The following TMEM165 variants were observed in gnomAD, a reference collection of about 807,000 sequenced individuals.
TMEM165 encodes the protein transmembrane protein 165.
In TMEM165, 19 loss-of-function variants were observed where a neutral mutation model predicts 30.0. That is an observed-to-expected ratio of 0.63 (90% confidence interval 0.44 to 0.93). The LOEUF (loss-of-function observed/expected upper bound fraction) is 0.93. Ranked by LOEUF, TMEM165 falls within the 40% of genes least tolerant of loss-of-function variation. TMEM165 has a pLI of 0.00. For missense variants in TMEM165, 340 were observed against 417.0 expected (o/e 0.82, Z 1.61); for synonymous variants, 168 against 162.9 (o/e 1.03, Z -0.24).
chr4:55,446,753 T>C (rs1383967551), intron 3 of TMEM165, among the ~76,000 whole-genome samples: 1 of 152,248 alleles, frequency 6.6e-6, no homozygotes, highest in African/African-American at 2.4e-5. Context: ...ATTATTCCCA[T>C]GAATTTTCAG....
intron 3 of TMEM165, chr4:55,450,260 T>C: frequency 6.2e-7 from 1 of 1,613,520 alleles, no homozygotes; most frequent in Non-Finnish European, 8.5e-7. Flanking sequence ...AATAAATGTT[T>C]TCTTGTGGTT....
chr4:55,433,475 T>G (rs989887863), intron 3 of TMEM165: 1 of 152,344 alleles, frequency 6.6e-6, no homozygotes, highest in Non-Finnish European at 1.5e-5. Context: ...AGAGAAGTCT[T>G]AAGAACTGGC....
At chr4:55,408,221 A>G (rs764528661) in intron 1 of TMEM165, among the ~76,000 whole-genome samples, 4 of 152,216 alleles carry the variant, frequency 2.6e-5, no homozygotes, top group Non-Finnish European at 4.4e-5. Context: ...TTGGCCACCC[A>G]GGACCAGCTT....
At chr4:55,444,929 C>T (rs1723680225) in intron 3 of TMEM165, 10 of 868,806 alleles carry the variant, frequency 1.2e-5, no homozygotes, top group Non-Finnish European at 1.8e-5. Flanking sequence ...TTCTAATCCA[C>T]CCATCTTTGC....
intron 1 of TMEM165, among the ~76,000 whole-genome samples, chr4:55,400,754 A>G (rs1720967405): frequency 6.7e-6 from 1 of 150,326 alleles, no homozygotes; most frequent in Non-Finnish European, 1.5e-5. Flanking sequence ...ATTTTTATGT[A>G]ACTTTTTGAT....
chr4:55,425,293 G>T, intron 5 of TMEM165, 83 bp from the exon 6 acceptor site: 1 of 1,099,556 alleles, frequency 9.1e-7, no homozygotes, highest in South Asian at 1.4e-5. Flanking sequence ...ATAATTGGCC[G>T]CCTCATCGGC....
downstream of TMEM165, among the ~76,000 whole-genome samples, chr4:55,426,710 A>G (rs145335744): frequency 8.5e-5 from 13 of 152,316 alleles, no homozygotes; most frequent in East Asian, 2.3e-3. Context: ...AAAGGTCCAC[A>G]ATGTAGTCTG....
At chr4:55,414,216 G>A (rs1318165533) in intron 2 of TMEM165, among the ~76,000 whole-genome samples, 1 of 151,420 alleles carries the variant, frequency 6.6e-6, no homozygotes, top group Non-Finnish European at 1.5e-5. Context: ...CTTGTAGTGA[G>A]CCGAGATTGT....
Position 55,400,288 on chromosome 4 carries a change from TTA to T in TMEM165, c.207+3899_207+3900del, listed in dbSNP as rs1270548730. On this transcript the variant is annotated intron_variant, in intron 1 of 5. Transcript: ENST00000381334. Reference sequence around the variant, plus strand: ...ATAATATATAATATAATATTATATATTATATATAATATTATATATAATATTAA... The same window carrying T: ...ATAATATATAATATAATATTATATATTATATAATATTATATATAATATTAA... 9.4e-3 allele frequency among the ~76,000 whole-genome samples: 922 copies of T among 98,344 alleles called. 8 individuals carry two copies. The highest frequency in any genetic ancestry group is 0.014 in the Non-Finnish European group (782 of 55,648). 64.5% of individuals were successfully genotyped at this position (98,344 alleles called of 152,430 possible).
intron 3 of TMEM165, among the ~76,000 whole-genome samples, chr4:55,446,497 C>G (rs1723864033): frequency 6.6e-6 from 1 of 152,206 alleles, no homozygotes; most frequent in Non-Finnish European, 1.5e-5. Flanking sequence ...TTGCAAAAAT[C>G]TGACAGATAA....
At chr4:55,410,767 T>C (rs1023641736) in intron 1 of TMEM165, among the ~76,000 whole-genome samples, 36 of 152,200 alleles carry the variant, frequency 2.4e-4, no homozygotes, top group Non-Finnish European at 5.9e-5. Flanking sequence ...GGGTCTTTCA[T>C]GCAAGTTACT....
intron 2 of TMEM165, among the ~76,000 whole-genome samples, chr4:55,414,325 T>C (rs1014484010): frequency 1.8e-4 from 28 of 152,236 alleles, no homozygotes; most frequent in African/African-American, 6.5e-4. Context: ...TTATCAGTTT[T>C]ATGTAATTTA....
At chr4:55,449,586 T>C (rs1346120133) in intron 3 of TMEM165, 6 of 1,153,310 alleles carry the variant, frequency 5.2e-6, no homozygotes, top group South Asian at 1.3e-5. Context: ...TTAATAAAAA[T>C]GGCTTTTGAA....
At chr4:55,435,436 A>C in intron 3 of TMEM165, 1 of 1,613,946 alleles carries the variant, frequency 6.2e-7, no homozygotes. Flanking sequence ...GAACCTTGGA[A>C]GGGTCGGGCA....
intron 1 of TMEM165, among the ~76,000 whole-genome samples, chr4:55,404,249 C>T (rs1721178210): frequency 6.6e-6 from 1 of 151,642 alleles, no homozygotes; most frequent in African/African-American, 2.4e-5. Context: ...AATTCCTGAC[C>T]TCAGATCTGT....
intron 1 of TMEM165, among the ~76,000 whole-genome samples, chr4:55,402,539 C>T (rs1156374781): frequency 4.5e-5 from 6 of 132,774 alleles, no homozygotes; most frequent in Middle Eastern, 8.2e-3. Context: ...CCTCTGTCTC[C>T]GGGGTTCATG....
intron 1 of TMEM165, among the ~76,000 whole-genome samples, chr4:55,409,830 G>C (rs542627229): frequency 6.6e-6 from 1 of 152,314 alleles, no homozygotes; most frequent in African/African-American, 2.4e-5. Flanking sequence ...CGTCTTTGGA[G>C]ACAGAAATCT....
intron 4 of TMEM165, among the ~76,000 whole-genome samples, chr4:55,422,871 C>T (rs1482905210): frequency 1.1e-4 from 16 of 151,696 alleles, no homozygotes; most frequent in Admixed American, 7.9e-4. Context: ...CTCCTGACCT[C>T]GTGATCCACC....
chr4:55,417,761 T>A, intron 3 of TMEM165, 42 bp from the exon 4 acceptor site: 1 of 1,465,472 alleles, frequency 6.8e-7, no homozygotes, highest in Non-Finnish European at 9.2e-7. Context: ...TATTTTGATT[T>A]GCTTCCTGTG....
Sources: allele counts gnomAD v4.1 joint callset (sites outside exome capture counted in the v4.1 genomes callset), GRCh38; gene constraint gnomAD v4.1.1; transcripts MANE v1.5; gene names NCBI Gene and HGNC (gene_info 2026-07-23, HGNC 2026-07-21).